Variants in NPHP3 observed in about 807,000 individuals in gnomAD.
The protein encoded by NPHP3 is nephrocystin-3.
A neutral mutation model predicts 171.9 loss-of-function variants in NPHP3; 123 were observed. The ratio of observed to expected loss-of-function variants is 0.72; its 90% CI spans 0.62 to 0.83. The LOEUF (loss-of-function observed/expected upper bound fraction) is 0.83, where lower values mean the gene tolerates loss of function less well. NPHP3 is among the 40% of genes least tolerant of loss of function. The pLI is 0.00. For synonymous variants in NPHP3, 558 were observed against 579.2 expected (o/e 0.96, Z 0.52); for missense variants, 1,506 against 1,591.9 (o/e 0.95, Z 0.92).
intron 23 of NPHP3, chr3:132,685,075 A>G (rs1939121451): frequency 2.7e-6 from 1 of 376,298 alleles, no homozygotes; most frequent in Admixed American, 3.9e-5. Flanking sequence ...TTATACTTTA[A>G]AAATTATTAG....
Position 132,721,954 on chromosome 3 carries a change from C to T in NPHP3, c.393+9G>A. 1.2e-6 allele frequency: 2 copies of T among 1,611,940 alleles called. No homozygotes were observed. The highest frequency in any genetic ancestry group is 1.3e-5 in the African/African-American group (1 of 75,054). On this transcript the variant is annotated intron_variant, in intron 1 of 26. Coordinates refer to ENST00000337331, the MANE Select transcript of NPHP3 (RefSeq NM_153240.5). ...GGTCTCCCGGCGTCGCGGCCCAGCC[C>T]GGCGTTACCTGCAGTTCGGCCCGCA...
chr3:132,716,783 T>TCCA lies in NPHP3; in HGVS notation c.794_796dup (p.Val265dup). 1 of 1,614,148 alleles carries TCCA rather than the reference T, an allele frequency of 6.2e-7. No homozygotes were observed. The highest frequency in any genetic ancestry group is 8.5e-7 in the Non-Finnish European group (1 of 1,180,014). On this transcript the variant is annotated inframe_insertion, in exon 4 of 27. Coordinates refer to ENST00000337331, the MANE Select transcript of NPHP3 (RefSeq NM_153240.5). ...TCTATTAACATTTGCAAAGGGTCCT[T>TCCA]CCACATCTATAGAACTATGGGCAAA...
chr3:132,722,066 T>A lies in NPHP3; in HGVS notation c.290A>T (p.Glu97Val). The change falls in exon 1 of 27, where the codon GAG becomes GTG. Residue 97 changes from glutamate (E) to valine (V), a missense_variant. Around this residue, in one of 3 missense-constraint regions of NPHP3, gnomAD observed 930 missense variants for 924.9 expected, o/e 1.01. Transcript: ENST00000337331. ...AAAEYERLRKEYEIFRVSKNQ... is the reference protein window; with the variant it reads ...AAAEYERLRKVYEIFRVSKNQ... ...CTTGCTGACGCGAAAGATCTCGTAC[T>A]CCTTCCTGAGCCGCTCGTACTCGGC... 6.2e-7 allele frequency: 1 copy of A among 1,612,584 alleles called. No individual in the cohort carries two copies. The highest frequency in any genetic ancestry group is 8.5e-7 in the Non-Finnish European group (1 of 1,179,874).
At chr3:132,692,628 T>C (rs1939328905) in intron 17 of NPHP3, 26 bp downstream of exon 17, 1 of 1,606,264 alleles carries the variant, frequency 6.2e-7, no homozygotes, top group East Asian at 2.2e-5. Flanking sequence ...AATAAATAAA[T>C]AAAAAGATGC....
chr3:132,718,887 T>C, intron 3 of NPHP3, 107 bp downstream of exon 3: 1 of 1,124,086 alleles, frequency 8.9e-7, no homozygotes. Context: ...GTTAAAGCAA[T>C]AACCTAATAT....
At chr3:132,704,416 A>T in intron 8 of NPHP3, 45 bp from the exon 9 acceptor site, 1 of 1,611,740 alleles carries the variant, frequency 6.2e-7, no homozygotes, top group Non-Finnish European at 8.5e-7. Flanking sequence ...AAGAAAATAA[A>T]GATCTTACAG....
intron 13 of NPHP3, 148 bp from the exon 14 acceptor site, chr3:132,697,510 A>G: frequency 1.7e-6 from 1 of 593,598 alleles, no homozygotes; most frequent in South Asian, 2.0e-5. Context: ...AATCATATTA[A>G]GTAATTAATA....
chr3:132,699,606 C>A (rs1939551062), intron 12 of NPHP3, among the ~76,000 whole-genome samples, 156 bp from the exon 13 acceptor site: 1 of 152,060 alleles, frequency 6.6e-6, no homozygotes, highest in Admixed American at 6.6e-5. Context: ...TTTAAAAGAA[C>A]AAGTAGCAAA....
chr3:132,699,157 T>G (rs749492357), intron 13 of NPHP3, among the ~76,000 whole-genome samples, 196 bp downstream of exon 13: 4 of 152,220 alleles, frequency 2.6e-5, no homozygotes, highest in African/African-American at 7.2e-5. Flanking sequence ...CATCCCAAAG[T>G]GCTGGGATTA....
At position 132,681,644 on chromosome 3, in the gene NPHP3, C is replaced by T. The variant is rs11708200; in HGVS notation, c.*266G>A. On this transcript the variant is annotated 3_prime_UTR_variant, in exon 27 of 27. Coordinates refer to ENST00000337331, the MANE Select transcript of NPHP3 (RefSeq NM_153240.5). ...GTTGAACAAAGACCAATCCGCTCTTCATGATTTGCTCCTCATGTCTTCTTA... is the reference window on the plus strand; with the variant it reads ...GTTGAACAAAGACCAATCCGCTCTTTATGATTTGCTCCTCATGTCTTCTTA... The T allele has an allele frequency of 0.036, 15,243 of 425,042 alleles. 428 individuals are homozygous for T. Among genetic ancestry groups the T allele is most frequent in the Non-Finnish European group, 0.052 (11,969 of 229,036 alleles). 26.3% of individuals were successfully genotyped at this position (425,042 alleles called of 1,614,324 possible). A position where few individuals can be genotyped will look rare whatever the true frequency, so the allele number is the denominator to read the frequency against.
intron 24 of NPHP3, among the ~76,000 whole-genome samples, chr3:132,683,891 C>G (rs557017793): frequency 3.5e-4 from 53 of 152,096 alleles, no homozygotes; most frequent in African/African-American, 1.2e-3. Flanking sequence ...TTCACTTCAC[C>G]TGAAAGTTGG....
At chr3:132,701,839 G>A (rs1017481126) in intron 9 of NPHP3, among the ~76,000 whole-genome samples, 34 of 152,234 alleles carry the variant, frequency 2.2e-4, no homozygotes, top group African/African-American at 3.6e-4. Context: ...TGGCTAACAC[G>A]GTGAAATCCT....
In NPHP3 at chr3:132,705,797, T is replaced by G. The variant is rs1479600074; in HGVS notation, c.1293A>C (p.Gly431=). ...TTTTATATACTCCTTCTGCAGGATC[T>G]CCTGAGTGATCAATGATCTAGATAA... The part of the protein sequence containing the change: ...TSKAKIIDHS[G]DPAEGVYKTY... The change falls in exon 8 of 27, where the codon GGA becomes GGC. Residue 431 remains glycine, a synonymous_variant. Transcript: ENST00000337331. 6.6e-7 allele frequency: 1 copy of G among 1,507,810 alleles called. No homozygotes were observed. The highest frequency in any genetic ancestry group is 1.4e-5 in the African/African-American group (1 of 72,666). The allele number at this position is 1,507,810 out of a possible 1,614,324, so 93.4% of individuals were successfully genotyped here.
intron 8 of NPHP3, among the ~76,000 whole-genome samples, chr3:132,705,240 T>C (rs1418248077): frequency 6.6e-6 from 1 of 152,172 alleles, no homozygotes; most frequent in Non-Finnish European, 1.5e-5. Context: ...AGGCAGAATA[T>C]ATAACTCACA....
In NPHP3 at chr3:132,692,646, A is replaced by C. The variant is rs1939329493; in HGVS notation, c.2475+8T>G. ...AAATAAATAAAAAGATGCCTAAAAT[A>C]ACATTACCTGCAGATGTTGAAACCT... On this transcript the variant is annotated splice_region_variant and intron_variant, in intron 17 of 26. Coordinates refer to ENST00000337331, the MANE Select transcript of NPHP3 (RefSeq NM_153240.5). 1 of 1,612,962 alleles carries C rather than the reference A, an allele frequency of 6.2e-7. No homozygotes were observed. Among genetic ancestry groups the C allele is most frequent in the African/African-American group, 1.3e-5 (1 of 75,038 alleles).
At chr3:132,696,938 C>T (rs113701649) in intron 14 of NPHP3, 125 bp from the exon 15 acceptor site, 1 of 801,018 alleles carries the variant, frequency 1.2e-6, no homozygotes, top group South Asian at 1.4e-5. Flanking sequence ...CCATCCGTGA[C>T]ATCACAACAT....
At position 132,694,878 on chromosome 3, in the gene NPHP3, G is replaced by A. The variant is rs765940696; in HGVS notation, c.2259C>T (p.His753=). ...CATTTGCCATGGACTCCCGGATAGA[G>A]TGCAGAACAAGTCTATATAATGAAA... ...DTLSLYRLVL[H]SIRESMANDV... is the part of the protein sequence containing the mutation. Residue 753 remains histidine (H), a synonymous_variant, in exon 16 of 27, where the codon CAC becomes CAT. Coordinates refer to ENST00000337331, the MANE Select transcript of NPHP3 (RefSeq NM_153240.5). The A allele has an allele frequency of 1.2e-5, 19 of 1,613,542 alleles. No homozygotes were observed. Among genetic ancestry groups the A allele is most frequent in the East Asian group, 1.1e-4 (5 of 44,852 alleles).
At chr3:132,717,470 T>TTA (rs1940084636) in intron 3 of NPHP3, 2 of 153,818 alleles carry the variant, frequency 1.3e-5, no homozygotes, top group Non-Finnish European at 2.9e-5. Flanking sequence ...CTTGATAACC[T>TTA]TAAGTAAATG....
chr3:132,695,987 T>C (rs1428326368), intron 15 of NPHP3, among the ~76,000 whole-genome samples: 2 of 152,242 alleles, frequency 1.3e-5, no homozygotes, highest in East Asian at 3.9e-4. Flanking sequence ...TTTCAGAAGA[T>C]TTTTTTATTT....
Sources: allele counts gnomAD v4.1 joint callset (sites outside exome capture counted in the v4.1 genomes callset), GRCh38; gene constraint gnomAD v4.1.1; regional missense constraint gnomAD v4.1.1; transcripts MANE v1.5; gene names NCBI Gene and HGNC (gene_info 2026-07-23, HGNC 2026-07-21).